The following PGK1 variants were observed in gnomAD, a reference collection of about 807,000 sequenced individuals.
The protein encoded by PGK1 is PRP 2.
PGK1 carries 3 observed loss-of-function variants against 26.9 expected under a neutral mutation model. That is an observed-to-expected ratio of 0.11 (90% CI 0.05 to 0.29). PGK1 has a LOEUF of 0.29. Ranked by LOEUF, PGK1 falls within the 10% of genes least tolerant of loss-of-function variation. The pLI, the probability that PGK1 is intolerant of heterozygous loss-of-function variation, is 1.00. For missense variants in PGK1, 270 were observed against 314.7 expected (o/e 0.86, Z 1.07); for synonymous variants, 125 against 115.3 (o/e 1.08, Z -0.54).
At chrX:78,110,331 AT>A (rs1275403721) in intron 2 of PGK1, among the ~76,000 whole-genome samples, 3 of 107,882 alleles carry the variant, frequency 2.8e-5, no homozygotes, top group African/African-American at 6.7e-5. Context: ...TTAAAAAAAA[AT>A]TTTTTTTTGT....
intron 9 of PGK1, 126 bp downstream of exon 9, chrX:78,125,177 G>A: frequency 1.3e-6 from 1 of 742,064 alleles, no homozygotes; most frequent in Non-Finnish European, 2.1e-6. Context: ...AAACAGGTAG[G>A]TAATTTACAG....
In PGK1 at chrX:78,114,091, C is replaced by T; in HGVS notation, c.348C>T (p.Val116=). ...GTGCCAACCCAGCTGCTGGGTCTGT[C>T]ATCCTGCTGGAGAACCTCCGCTTTC... ...KACANPAAGS[V]ILLENLRFHV... Residue 116 remains valine (V), a synonymous_variant, in exon 4 of 11, where the codon GTC becomes GTT. Transcript: ENST00000373316. 1 of 1,209,531 alleles carries T rather than the reference C, an allele frequency of 8.3e-7. No individual in the cohort carries two copies. Among genetic ancestry groups the T allele is most frequent in the Non-Finnish European group, 1.1e-6 (1 of 893,497 alleles).
chrX:78,112,594 TTAC>T (rs2078306707), intron 2 of PGK1, among the ~76,000 whole-genome samples: 1 of 112,256 alleles, frequency 8.9e-6, no homozygotes, highest in Non-Finnish European at 1.9e-5. Flanking sequence ...TGCAGAAAAG[TTAC>T]TACATGTTTT....
At chrX:78,122,568 G>A (rs566308798) in intron 6 of PGK1, among the ~76,000 whole-genome samples, 1 of 109,878 alleles carries the variant, frequency 9.1e-6, no homozygotes, top group South Asian at 3.9e-4. Context: ...CAGCTTCTAG[G>A]TAGAATTAAA....
intron 1 of PGK1, chrX:78,106,453 T>C (rs182375418): frequency 1.3e-6 from 1 of 748,849 alleles, no homozygotes; most frequent in Non-Finnish European, 1.6e-6. Flanking sequence ...GAGAGTCACA[T>C]TGTAGGCCTA....
intron 8 of PGK1, among the ~76,000 whole-genome samples, chrX:78,124,183 C>T (rs1342211697): frequency 8.9e-6 from 1 of 111,976 alleles, no homozygotes; most frequent in Non-Finnish European, 1.9e-5. Context: ...CATGTTTTTA[C>T]ATGCTAGTTT....
chrX:78,110,750 C>T (rs1013762589), intron 2 of PGK1, among the ~76,000 whole-genome samples: 2 of 110,347 alleles, frequency 1.8e-5, no homozygotes, highest in Non-Finnish European at 3.8e-5. Flanking sequence ...TCAAATGGCT[C>T]AGATAAGTCA....
intron 5 of PGK1, among the ~76,000 whole-genome samples, 188 bp downstream of exon 5, chrX:78,117,603 G>T (rs1481683826): frequency 8.9e-6 from 1 of 112,749 alleles, no homozygotes; most frequent in African/African-American, 3.2e-5. Flanking sequence ...GTAAAAAAAT[G>T]TTGGTAATTG....
At chrX:78,114,252 C>T (rs1220041515) in intron 4 of PGK1, 92 bp downstream of exon 4, 1 of 887,548 alleles carries the variant, frequency 1.1e-6, no homozygotes, top group African/African-American at 2.0e-5. Context: ...TTTATTTTAA[C>T]TTAGACACCT....
Position 78,122,353 on chromosome X carries a change from G to A in PGK1, c.642-482G>A, listed in dbSNP as rs782735199. The stretch of plus-strand genomic sequence containing the variant: ...TTAGGATAATTCTGAGTGGCTCTGG[G>A]ATCCCACAATTAGCAATCGTGCTTA... On this transcript the variant is annotated intron_variant, in intron 6 of 10. Coordinates refer to ENST00000373316, the MANE Select transcript of PGK1 (RefSeq NM_000291.4). 5.6e-3 allele frequency among the ~76,000 whole-genome samples: 621 copies of A among 110,049 alleles called. 4 individuals carry two copies. The highest frequency in any genetic ancestry group is 0.014 in the Middle Eastern group (3 of 217).
chrX:78,123,447 C>T, intron 8 of PGK1, 73 bp downstream of exon 8: 1 of 835,045 alleles, frequency 1.2e-6, no homozygotes, highest in South Asian at 2.1e-5. Flanking sequence ...TTGATTCAGC[C>T]AATCAACAAG....
Position 78,124,985 on chromosome X carries a change from C to G in PGK1, c.1048C>G (p.Arg350Gly). 1 of 1,210,070 alleles carries G rather than the reference C, an allele frequency of 8.3e-7. No homozygotes were observed. Among genetic ancestry groups the G allele is most frequent in the Non-Finnish European group, 1.1e-6 (1 of 894,352 alleles). Residue 350 changes from arginine (R) to glycine (G), a missense_variant, in exon 9 of 11, where the codon CGG (arginine) becomes GGG (glycine). Coordinates refer to ENST00000373316, the MANE Select transcript of PGK1 (RefSeq NM_000291.4). The part of the protein sequence containing the change: ...VGVFEWEAFA[R>G]GTKALMDEVV... ...GGTATTTGAATGGGAAGCTTTTGCC[C>G]GGGGAACCAAAGCTCTCATGGATGA...
In PGK1 at chrX:78,123,347, G is replaced by C. The variant is rs142525614; in HGVS notation, c.909G>C (p.Val303=). The change falls in exon 8 of 11, where the codon GTG becomes GTC. Residue 303 remains valine, a synonymous_variant. Transcript: ENST00000373316. ...DENAKTGQAT[V]ASGIPAGWMG... ...ATGCCAAGACTGGCCAAGCCACTGT[G>C]GCTTCTGGCATACCTGCTGGCTGGA... 183 of 1,208,690 alleles carry C rather than the reference G, an allele frequency of 1.5e-4. 1 individual carries two copies. The African/African-American group carries it at 3.1e-3, about 21-fold the overall frequency.
intron 4 of PGK1, among the ~76,000 whole-genome samples, chrX:78,115,077 G>A (rs1302474927): frequency 9.0e-5 from 10 of 111,363 alleles, no homozygotes; most frequent in Admixed American, 2.9e-4. Context: ...CACCAAAGAT[G>A]CTGGTCTTGC....
chrX:78,112,585 G>A (rs1274640293), intron 2 of PGK1, among the ~76,000 whole-genome samples: 12 of 112,159 alleles, frequency 1.1e-4, no homozygotes, highest in Admixed American at 6.6e-4. Flanking sequence ...ATTAATAGGT[G>A]CAGAAAAGTT....
intron 6 of PGK1, among the ~76,000 whole-genome samples, chrX:78,122,551 T>C (rs1469755019): frequency 2.7e-5 from 3 of 109,583 alleles, no homozygotes; most frequent in Non-Finnish European, 5.7e-5. Flanking sequence ...TTAAATCTGT[T>C]GTCCATCAGC....
rs782453621 is a variant in PGK1 at position 78,109,933 on chromosome X, A to C, written c.116+16A>C. The C allele has an allele frequency of 2.5e-5, 28 of 1,123,512 alleles. No individual in the cohort carries two copies. The South Asian group carries it at 5.1e-4, about 20-fold the overall frequency. The allele number at this position is 1,123,512 out of a possible 1,213,427, so 92.6% of individuals were successfully genotyped here. ...ACAACCAGAGGTAAGGTCCCTGCTA[A>C]TCCTTGGGCTGGGTTTAAGATGTGT... On this transcript the variant is annotated intron_variant, in intron 2 of 10. Transcript: ENST00000373316.
intron 2 of PGK1, among the ~76,000 whole-genome samples, chrX:78,110,221 C>T (rs782115224): frequency 1.2e-4 from 13 of 110,593 alleles, no homozygotes; most frequent in Admixed American, 1.9e-4. Flanking sequence ...GGTGTGATCA[C>T]GGTTCACTGC....
chrX:78,120,471 A>G (rs1569550874), intron 6 of PGK1, among the ~76,000 whole-genome samples: 1 of 110,286 alleles, frequency 9.1e-6, no homozygotes, highest in Non-Finnish European at 1.9e-5. Flanking sequence ...AGACATATCT[A>G]TATATCTAGA....
Sources: allele counts gnomAD v4.1 joint callset (sites outside exome capture counted in the v4.1 genomes callset), GRCh38; gene constraint gnomAD v4.1.1; transcripts MANE v1.5; gene names NCBI Gene and HGNC (gene_info 2026-07-23, HGNC 2026-07-21).